CACNA1A: variants seen among roughly 807,000 people sequenced by gnomAD.
CACNA1A encodes the protein calcium voltage-gated channel subunit alpha1 A, also known as voltage-dependent P/Q-type calcium channel subunit alpha-1A.
In CACNA1A, 57 loss-of-function variants were observed where a neutral mutation model predicts 262.4. That is an observed-to-expected ratio of 0.22 (90% CI 0.18 to 0.27). The LOEUF is 0.27. CACNA1A is among the 10% of genes least tolerant of loss of function. The pLI, the probability that CACNA1A is intolerant of heterozygous loss-of-function variation, is 1.00. For synonymous variants in CACNA1A, 1,431 were observed against 1,419.3 expected (o/e 1.01, Z -0.18); for missense variants, 2,526 against 3,562.8 (o/e 0.71, Z 7.41).
intron 10 of CACNA1A, among the ~76,000 whole-genome samples, chr19:13,325,529 T>C (rs532036095): frequency 1.2e-3 from 188 of 152,178 alleles, no homozygotes; most frequent in Admixed American, 2.8e-3. Flanking sequence ...GCAACCTCCA[T>C]CTCCCAGGTT....
chr19:13,432,352 T>G (rs2144835842), intron 3 of CACNA1A, among the ~76,000 whole-genome samples: 1 of 151,098 alleles, frequency 6.6e-6, no homozygotes, highest in Non-Finnish European at 1.5e-5. Flanking sequence ...GAGGCGGAGG[T>G]TGCAGTGAGC....
intron 1 of CACNA1A, among the ~76,000 whole-genome samples, chr19:13,458,139 CTTTCT>C (rs1599301568): frequency 1.3e-5 from 2 of 152,062 alleles, no homozygotes; most frequent in South Asian, 2.1e-4. Flanking sequence ...CTCCCCTCTC[CTTTCT>C]TTTCTTATTT....
At chr19:13,293,189 GCATT>G (rs1374307040) in intron 19 of CACNA1A, among the ~76,000 whole-genome samples, 1 of 152,036 alleles carries the variant, frequency 6.6e-6, no homozygotes, top group Non-Finnish European at 1.5e-5. Flanking sequence ...GCTAAAAATA[GCATT>G]CATTGAGTAC....
At chr19:13,281,729 C>T (rs1269341121) in intron 22 of CACNA1A, among the ~76,000 whole-genome samples, 1 of 152,192 alleles carries the variant, frequency 6.6e-6, no homozygotes, top group African/African-American at 2.4e-5. Flanking sequence ...TGTTCTATTT[C>T]TTGCCCTGGA....
chr19:13,444,043 G>C (rs1382192641), intron 3 of CACNA1A, among the ~76,000 whole-genome samples: 1 of 152,192 alleles, frequency 6.6e-6, no homozygotes, highest in Admixed American at 6.5e-5. Flanking sequence ...TGCTGGTGTT[G>C]TTAGAAGATG....
intron 3 of CACNA1A, among the ~76,000 whole-genome samples, chr19:13,392,030 CAA>C (rs137905773): frequency 1.4e-4 from 12 of 84,686 alleles, no homozygotes; most frequent in East Asian, 4.2e-4. Flanking sequence ...GACCATGTCT[CAA>C]AAAAAAAAAA....
intron 25 of CACNA1A, 94 bp from the exon 26 acceptor site, chr19:13,261,704 C>T (rs1490562225): frequency 1.6e-6 from 2 of 1,250,432 alleles, no homozygotes; most frequent in African/African-American, 1.5e-5. Flanking sequence ...CTGCCATGAT[C>T]ATTCCCATTT....
At chr19:13,476,738 A>T (rs1014052277) in intron 1 of CACNA1A, among the ~76,000 whole-genome samples, 6 of 152,128 alleles carry the variant, frequency 3.9e-5, no homozygotes, top group African/African-American at 9.7e-5. Flanking sequence ...TTATCACAAT[A>T]AAAAAACTTA....
At chr19:13,500,254 C>T (rs1211803626) in intron 1 of CACNA1A, among the ~76,000 whole-genome samples, 4 of 152,268 alleles carry the variant, frequency 2.6e-5, no homozygotes, top group South Asian at 2.1e-4. Context: ...GTTTATAGGA[C>T]GCCTGCTTTG....
At chr19:13,412,015 C>G (rs2060120057) in intron 3 of CACNA1A, among the ~76,000 whole-genome samples, 1 of 151,566 alleles carries the variant, frequency 6.6e-6, no homozygotes, top group South Asian at 2.1e-4. Context: ...CGTGCCTGGC[C>G]TCTCTCTTTC....
At chr19:13,282,871 CA>C (rs2057323355) in intron 22 of CACNA1A, among the ~76,000 whole-genome samples, 1 of 152,148 alleles carries the variant, frequency 6.6e-6, no homozygotes. Flanking sequence ...TTGTTTCTTT[CA>C]AAGCTTCGTG....
Position 13,212,630 on chromosome 19 carries a change from C to A in CACNA1A, c.6050+1G>T. 6.6e-7 allele frequency: 1 copy of A among 1,518,494 alleles called. No homozygotes were observed. Among genetic ancestry groups the A allele is most frequent in the Admixed American group, 2.0e-5 (1 of 49,122 alleles). The allele number at this position is 1,518,494 out of a possible 1,614,324, so 94.1% of individuals were successfully genotyped here. On this transcript the variant is annotated splice_donor_variant, in intron 41 of 46. Transcript: ENST00000360228. LOFTEE classifies it high-confidence loss of function. The surrounding 1 kb of genome is among the most constrained non-coding windows in gnomAD (Gnocchi z 5.6). ...ACCTCCCTGGCAGGGGTGACACTCA[C>A]AGGGCTCCTCCTGGGTCCAGCTGGG...
At chr19:13,290,739 G>GTA (rs965268536) in intron 19 of CACNA1A, among the ~76,000 whole-genome samples, 22 of 150,772 alleles carry the variant, frequency 1.5e-4, no homozygotes, top group African/African-American at 3.9e-4. Flanking sequence ...GTATATATGT[G>GTA]TATATATATA....
chr19:13,463,454 G>C (rs1302280746), intron 1 of CACNA1A, among the ~76,000 whole-genome samples: 4 of 152,168 alleles, frequency 2.6e-5, no homozygotes, highest in Non-Finnish European at 1.5e-5. Context: ...ACTCTTAGCA[G>C]GGATGGCATG....
At chr19:13,486,472 C>T in intron 1 of CACNA1A, among the ~76,000 whole-genome samples, 1 of 151,842 alleles carries the variant, frequency 6.6e-6, no homozygotes, top group East Asian at 1.9e-4. Context: ...CATACACCAA[C>T]CAACAGTTTA....
intron 3 of CACNA1A, among the ~76,000 whole-genome samples, chr19:13,391,754 T>C (rs1052640281): frequency 1.3e-5 from 2 of 151,596 alleles, no homozygotes; most frequent in Non-Finnish European, 2.9e-5. Context: ...AAATTAGCCA[T>C]GGCCGGGCGT....
intron 38 of CACNA1A, among the ~76,000 whole-genome samples, chr19:13,216,663 CTATCTATCTATCTATCTATCTATCT>C (rs1243209810): frequency 1.8e-4 from 1 of 5,448 alleles, no homozygotes; most frequent in African/African-American, 1.4e-3. Context: ...ATCTATCTAT[CTATCTATCTATCTATCTATCTATCT>C]ATCTATCTAT....
chr19:13,448,082 G>GAA (rs36078876), intron 3 of CACNA1A, among the ~76,000 whole-genome samples: 194 of 122,206 alleles, frequency 1.6e-3, no homozygotes, highest in Admixed American at 4.5e-3. Flanking sequence ...GTGTTATTAT[G>GAA]AAAAAAAAAA....
intron 6 of CACNA1A, among the ~76,000 whole-genome samples, chr19:13,342,235 G>A (rs886149421): frequency 3.9e-5 from 6 of 152,152 alleles, no homozygotes; most frequent in South Asian, 2.1e-4. Context: ...GGTGGATTTC[G>A]TTCAGGAGCA....
Sources: allele counts gnomAD v4.1 joint callset (sites outside exome capture counted in the v4.1 genomes callset), GRCh38; gene constraint gnomAD v4.1.1; non-coding constraint Gnocchi (gnomAD v3.1); transcripts MANE v1.5; gene names NCBI Gene and HGNC (gene_info 2026-07-23, HGNC 2026-07-21).